Variants in CCDC83 observed in about 807,000 individuals in gnomAD.
CCDC83 encodes the protein coiled-coil domain containing 83.
A neutral mutation model predicts 50.1 loss-of-function variants in CCDC83; 54 were observed. The ratio of observed to expected loss-of-function variants is 1.08; its 90% CI spans 0.87 to 1.35. The LOEUF (loss-of-function observed/expected upper bound fraction) is 1.35. Among genes scored for constraint, CCDC83 ranks in the 40% most tolerant of loss-of-function variants. The pLI, the probability that CCDC83 is intolerant of heterozygous loss-of-function variation, is 0.00. For missense variants in CCDC83, 518 were observed against 473.9 expected, an observed-to-expected ratio of 1.09 and a Z score of -0.86; for synonymous variants, 161 against 153.3, an observed-to-expected ratio of 1.05 and a Z score of -0.37.
Position 85,873,257 on chromosome 11 carries a change from A to C in CCDC83, c.142A>C (p.Lys48Gln). ...DAVEQFMFQI[K>Q]TLRKKNQKYH... ...CGTGGAGCAATTCATGTTTCAAATA[A>C]AGACACTTAGGAAAAAGAACCAAAA... Residue 48 changes from lysine (K) to glutamine (Q), a missense_variant, in exon 3 of 11, where the codon AAG becomes CAG. By Grantham distance (53) the Lys-to-Gln change is moderately conservative (BLOSUM62 1). Transcript: ENST00000342404. 1 of 1,563,834 alleles carries C rather than the reference A, an allele frequency of 6.4e-7. No individual in the cohort carries two copies.
chr11:85,877,139 A>G (rs908003859), intron 3 of CCDC83, among the ~76,000 whole-genome samples: 16 of 152,194 alleles, frequency 1.1e-4, no homozygotes, highest in South Asian at 2.1e-4. Context: ...AATATAGATG[A>G]TATTAAATTT....
At chr11:85,860,696 G>A (rs1287505964) in intron 1 of CCDC83, among the ~76,000 whole-genome samples, 1 of 152,138 alleles carries the variant, frequency 6.6e-6, no homozygotes, top group East Asian at 1.9e-4. Context: ...CATGTTCATC[G>A]CAGCACTGTT....
intron 4 of CCDC83, among the ~76,000 whole-genome samples, chr11:85,883,957 G>A (rs1592157482): frequency 6.6e-6 from 1 of 152,194 alleles, no homozygotes; most frequent in Non-Finnish European, 1.5e-5. Flanking sequence ...TGACATGGTA[G>A]ATAGTATATT....
intron 5 of CCDC83, among the ~76,000 whole-genome samples, chr11:85,889,234 T>C (rs1459093077): frequency 7.2e-5 from 11 of 152,168 alleles, no homozygotes; most frequent in African/African-American, 2.7e-4. Flanking sequence ...ACACCTGCAG[T>C]TCCAGCTCCT....
At chr11:85,896,840 G>A (rs1380015625) in intron 6 of CCDC83, among the ~76,000 whole-genome samples, 2 of 150,752 alleles carry the variant, frequency 1.3e-5, no homozygotes, top group African/African-American at 2.4e-5. Context: ...AAGATTGTCT[G>A]TTCATCTGGG....
chr11:85,881,378 A>C (rs11603990), intron 3 of CCDC83, among the ~76,000 whole-genome samples: 37,688 of 136,690 alleles, frequency 0.28, 4,796 homozygotes, highest in South Asian at 0.33. Flanking sequence ...ATCCCCCCCC[A>C]AAAAAAAAAA....
At chr11:85,915,989 A>C in intron 9 of CCDC83, 39 bp from the exon 10 acceptor site, 2 of 1,367,512 alleles carry the variant, frequency 1.5e-6, no homozygotes, top group Non-Finnish European at 2.1e-6. Flanking sequence ...GTATATGTTC[A>C]AAATGTATAC....
rs146299382 is a variant in CCDC83 at position 85,916,058 on chromosome 11, T to C, written c.905T>C (p.Val302Ala). ...AAGTCAGAATTGCAACCCACAGAAG[T>C]AGAAAGTAGAGACTTGATGTCCTCA... ...EEKSELQPTE[V>A]ESRDLMSSSD... The change falls in exon 10 of 11, where the codon GTA (valine) becomes GCA (alanine). Residue 302 changes from valine to alanine, a missense_variant. Transcript: ENST00000342404. 1.2e-6 allele frequency: 2 copies of C among 1,612,106 alleles called. No individual in the cohort carries two copies. The highest frequency in any genetic ancestry group is 8.5e-7 in the Non-Finnish European group (1 of 1,179,054).
chr11:85,882,521 C>T lies in CCDC83; in HGVS notation c.189C>T (p.Arg63=). 1 of 1,613,458 alleles carries T rather than the reference C, an allele frequency of 6.2e-7. No individual in the cohort carries two copies. Among genetic ancestry groups the T allele is most frequent in the Non-Finnish European group, 8.5e-7 (1 of 1,179,700 alleles). The change falls in exon 4 of 11, where the codon CGC becomes CGT. Residue 63 remains arginine (R), a synonymous_variant. Transcript: ENST00000342404. The part of the protein sequence containing the change: ...KNQKYHERNS[R]LKEEQIWHIR... ...GTTGATTTTCATGACAGAATAGCCG[C>T]TTAAAAGAAGAACAGATTTGGCACA... is the stretch of plus-strand genomic sequence containing the variant.
chr11:85,893,641 T>A (rs2135073191), intron 5 of CCDC83, among the ~76,000 whole-genome samples: 1 of 152,292 alleles, frequency 6.6e-6, no homozygotes, highest in Non-Finnish European at 1.5e-5. Flanking sequence ...TTACAGCGGC[T>A]CTCCATCACT....
intron 5 of CCDC83, 116 bp from the exon 6 acceptor site, chr11:85,895,177 T>C: frequency 9.7e-6 from 3 of 307,774 alleles, no homozygotes; most frequent in East Asian, 3.9e-5. Flanking sequence ...CATACTTCTG[T>C]TGTGGAGTAG....
chr11:85,881,713 G>A (rs1392169402), intron 3 of CCDC83, among the ~76,000 whole-genome samples: 4 of 152,106 alleles, frequency 2.6e-5, no homozygotes, highest in Non-Finnish European at 4.4e-5. Flanking sequence ...GCCACCACAC[G>A]CTGCCCAGAT....
rs374862013 is a variant in CCDC83 at position 85,907,109 on chromosome 11, G to C, written c.673-4172G>C. On this transcript the variant is annotated intron_variant, in intron 7 of 10. Coordinates refer to ENST00000342404, the MANE Select transcript of CCDC83 (RefSeq NM_001286159.2). ...AATTAATTTCTTTGGTGAAAGTTTA[G>C]AATGAGTAACAAAGGATATTTAATA... Among the ~76,000 whole-genome samples the C allele has an allele frequency of 5.3e-5, 8 of 152,086 alleles. No homozygotes were observed. The East Asian group carries it at 1.2e-3, about 22-fold the overall frequency.
intron 5 of CCDC83, among the ~76,000 whole-genome samples, chr11:85,894,544 C>T (rs762171648): frequency 3.9e-5 from 6 of 152,288 alleles, no homozygotes; most frequent in South Asian, 2.1e-4. Context: ...TCTGATCACC[C>T]GATCTAAAAT....
rs1421527049 is a variant in CCDC83 at position 85,919,515 on chromosome 11, G to A, written c.*5G>A. 6.3e-7 allele frequency: 1 copy of A among 1,599,728 alleles called. No individual in the cohort carries two copies. Among genetic ancestry groups the A allele is most frequent in the Non-Finnish European group, 8.5e-7 (1 of 1,172,930 alleles). Reference sequence around the variant, plus strand: ...ATGATGAAGTCTTTTCTCTAAGACGGAAAGCTGCAAAGGAAACACAACTTT... The same window carrying A: ...ATGATGAAGTCTTTTCTCTAAGACGAAAAGCTGCAAAGGAAACACAACTTT... On this transcript the variant is annotated 3_prime_UTR_variant, in exon 11 of 11. Coordinates refer to ENST00000342404, the MANE Select transcript of CCDC83 (RefSeq NM_001286159.2).
At chr11:85,917,747 C>T (rs184137164) in intron 10 of CCDC83, among the ~76,000 whole-genome samples, 9 of 152,236 alleles carry the variant, frequency 5.9e-5, no homozygotes, top group Admixed American at 2.6e-4. Context: ...TGCCATCAAG[C>T]GATGATTTAA....
chr11:85,871,170 A>C (rs546963438), intron 2 of CCDC83, among the ~76,000 whole-genome samples: 17 of 148,436 alleles, frequency 1.1e-4, no homozygotes, highest in South Asian at 2.1e-4. Context: ...CTATTTCAAA[A>C]AAACAAACAA....
At chr11:85,868,272 A>G (rs768837201) in intron 2 of CCDC83, among the ~76,000 whole-genome samples, 1 of 152,202 alleles carries the variant, frequency 6.6e-6, no homozygotes, top group Admixed American at 6.5e-5. Context: ...GTTTTCTACA[A>G]TAAGTATGGA....
chr11:85,865,923 GGAAGA>G (rs2093204471), intron 2 of CCDC83, among the ~76,000 whole-genome samples: 1 of 150,458 alleles, frequency 6.6e-6, no homozygotes, highest in African/African-American at 2.4e-5. Context: ...AAGAGAGAAT[GGAAGA>G]GAAATTTTCC....
Sources: gnomAD v4.1 joint callset for allele counts (sites outside exome capture counted in the v4.1 genomes callset) on GRCh38, gnomAD v4.1.1 for gene constraint, MANE v1.5 for transcripts, NCBI Gene and HGNC (gene_info 2026-07-23, HGNC 2026-07-21) for gene names.